DOCK1: variants seen among roughly 807,000 people sequenced by gnomAD.
DOCK1 encodes the protein dedicator of cytokinesis protein 1.
In DOCK1, 138 loss-of-function variants were observed where a neutral mutation model predicts 262.7. The ratio of observed to expected loss-of-function variants is 0.53; its 90% confidence interval spans 0.46 to 0.61. The LOEUF is 0.61. Ranked by LOEUF, DOCK1 falls within the 20% of genes least tolerant of loss-of-function variation. The pLI, the probability that DOCK1 is intolerant of heterozygous loss-of-function variation, is 0.00. For synonymous variants in DOCK1, 866 were observed against 867.4 expected, an observed-to-expected ratio of 1.00 and a Z score of 0.03; for missense variants, 1,908 against 2,370.7, an observed-to-expected ratio of 0.80 and a Z score of 4.05.
At chr10:127,432,321 T>C (rs1046669019) in intron 47 of DOCK1, among the ~76,000 whole-genome samples, 1 of 152,110 alleles carries the variant, frequency 6.6e-6, no homozygotes, top group African/African-American at 2.4e-5. Flanking sequence ...AGTGGCGTTA[T>C]ATTAATCTTA....
chr10:127,322,624 A>C (rs1304838464), intron 29 of DOCK1, among the ~76,000 whole-genome samples: 1 of 152,296 alleles, frequency 6.6e-6, no homozygotes, highest in East Asian at 1.9e-4. Context: ...AAGGATTGAA[A>C]AAAGGCAAGA....
chr10:127,354,604 A>G (rs1565018546), intron 31 of DOCK1, 65 bp from the exon 32 acceptor site: 9 of 1,597,522 alleles, frequency 5.6e-6, no homozygotes, highest in Non-Finnish European at 6.9e-6. Context: ...CTTAAAAATA[A>G]TTCCAGTCCG....
chr10:127,249,364 C>T (rs981779505), intron 28 of DOCK1, among the ~76,000 whole-genome samples: 39 of 150,594 alleles, frequency 2.6e-4, no homozygotes, highest in Non-Finnish European at 4.1e-4. Context: ...CTTATATATA[C>T]ATATATATAC....
intron 32 of DOCK1, among the ~76,000 whole-genome samples, 188 bp from the exon 33 acceptor site, chr10:127,361,876 A>G (rs2064473652): frequency 6.6e-6 from 1 of 152,216 alleles, no homozygotes; most frequent in Non-Finnish European, 1.5e-5. Context: ...TGTGGAATAC[A>G]GGCCACTTCT....
intron 32 of DOCK1, among the ~76,000 whole-genome samples, chr10:127,361,316 G>C (rs375044095): frequency 1.3e-5 from 2 of 151,842 alleles, no homozygotes; most frequent in Admixed American, 6.6e-5. Context: ...GTGTCTCACC[G>C]TGTTAGCCAG....
chr10:127,350,244 AAG>A (rs1034859292), intron 31 of DOCK1, among the ~76,000 whole-genome samples: 1 of 140,450 alleles, frequency 7.1e-6, no homozygotes, highest in African/African-American at 2.7e-5. Flanking sequence ...CTTAAAAAAA[AAG>A]TGGCGGCAGC....
At chr10:127,077,382 G>A (rs554476762) in intron 23 of DOCK1, among the ~76,000 whole-genome samples, 141 of 152,214 alleles carry the variant, frequency 9.3e-4, no homozygotes, top group African/African-American at 3.3e-3. Context: ...GTGACAGAGC[G>A]AGACTGTGTC....
At chr10:127,327,558 A>G (rs1408588746) in intron 29 of DOCK1, among the ~76,000 whole-genome samples, 1 of 152,166 alleles carries the variant, frequency 6.6e-6, no homozygotes, top group Admixed American at 6.5e-5. Flanking sequence ...TGGATCTTCT[A>G]TTCACACCAC....
intron 25 of DOCK1, among the ~76,000 whole-genome samples, chr10:127,120,342 G>C (rs950685197): frequency 6.6e-6 from 1 of 152,232 alleles, no homozygotes; most frequent in Non-Finnish European, 1.5e-5. Context: ...CATTCTCTGA[G>C]ACTGTGCTGT....
chr10:127,430,468 G>A (rs1273836141), intron 47 of DOCK1, among the ~76,000 whole-genome samples: 3 of 152,196 alleles, frequency 2.0e-5, no homozygotes, highest in Admixed American at 6.5e-5. Flanking sequence ...AGAACAGCCA[G>A]GGACCAGGGT....
intron 1 of DOCK1, among the ~76,000 whole-genome samples, chr10:126,920,090 C>G (rs2033027629): frequency 6.6e-6 from 1 of 152,118 alleles, no homozygotes. Context: ...GGGGCTCCAT[C>G]CCGATGGGCT....
intron 1 of DOCK1, among the ~76,000 whole-genome samples, chr10:126,965,370 A>T (rs1056828963): frequency 6.6e-6 from 1 of 152,040 alleles, no homozygotes; most frequent in African/African-American, 2.4e-5. Context: ...GATGAGATGG[A>T]AAGATGGGTT....
At chr10:127,103,062 T>G (rs1010578620) in intron 23 of DOCK1, among the ~76,000 whole-genome samples, 1 of 152,204 alleles carries the variant, frequency 6.6e-6, no homozygotes, top group African/African-American at 2.4e-5. Context: ...TGCAGCCTCT[T>G]GCATATGTCT....
At chr10:127,282,589 G>A (rs766250949) in intron 29 of DOCK1, among the ~76,000 whole-genome samples, 10 of 152,130 alleles carry the variant, frequency 6.6e-5, no homozygotes, top group Non-Finnish European at 7.4e-5. Flanking sequence ...ATTTTAAAAG[G>A]CCAGTGAACA....
rs771387854 is a variant in DOCK1, at chr10:127,236,500, GTT to G, written c.2848-11484_2848-11483del. Among the ~76,000 whole-genome samples the G allele has an allele frequency of 8.9e-3, 591 of 66,696 alleles. 2 individuals are homozygous for G. The highest frequency in any genetic ancestry group is 0.03 in the African/African-American group (514 of 17,130). 43.8% of individuals were successfully genotyped at this position (66,696 alleles called of 152,430 possible). On this transcript the variant is annotated intron_variant, in intron 27 of 51. Transcript: ENST00000623213. ...TGCACATTGATCCTTCTTGACACGG[GTT>G]TTTTTTTTTTTTTTTTTTTTTTTGA...
chr10:127,148,301 G>A (rs149949716), intron 27 of DOCK1, among the ~76,000 whole-genome samples: 4 of 152,280 alleles, frequency 2.6e-5, no homozygotes, highest in East Asian at 3.9e-4. Context: ...AGCGTGCTCC[G>A]GGAGGATGTG....
At chr10:127,052,880 C>T (rs1232698373) in intron 22 of DOCK1, 65 bp downstream of exon 22, 1 of 1,548,784 alleles carries the variant, frequency 6.5e-7, no homozygotes, top group Non-Finnish European at 8.7e-7. Flanking sequence ...TCACTTCTTT[C>T]CTTCCCCTTC....
At chr10:127,254,862 A>T (rs948527501) in intron 28 of DOCK1, among the ~76,000 whole-genome samples, 1 of 152,178 alleles carries the variant, frequency 6.6e-6, no homozygotes, top group Admixed American at 6.6e-5. Flanking sequence ...TGATGCCTTG[A>T]TGAGATTTGT....
intron 27 of DOCK1, among the ~76,000 whole-genome samples, chr10:127,229,754 G>C (rs1247805585): frequency 1.3e-5 from 2 of 152,060 alleles, no homozygotes; most frequent in Non-Finnish European, 2.9e-5. Context: ...CTCAGAAGTG[G>C]GATTGCAGCA....
Sources: gnomAD v4.1 joint callset for allele counts (sites outside exome capture counted in the v4.1 genomes callset) on GRCh38, gnomAD v4.1.1 for gene constraint, MANE v1.5 for transcripts, NCBI Gene and HGNC (gene_info 2026-07-23, HGNC 2026-07-21) for gene names.